APOB: variants seen among roughly 807,000 people sequenced by gnomAD.
APOB encodes apolipoprotein B-100.
A neutral mutation model predicts 314.1 loss-of-function variants in APOB; 153 were observed. That is an observed-to-expected ratio of 0.49 (90% CI 0.43 to 0.56). The LOEUF (loss-of-function observed/expected upper bound fraction) is 0.56. APOB is among the 20% of genes least tolerant of loss of function. The pLI, the probability that APOB is intolerant of heterozygous loss-of-function variation, is 0.00. For missense variants in APOB, 5,430 were observed against 5,350.7 expected (o/e 1.01, Z -0.46); for synonymous variants, 2,087 against 2,036.4 (o/e 1.02, Z -0.67).
rs375053331 is a variant in APOB at position 21,008,823 on chromosome 2, C to A, written c.8045G>T (p.Ser2682Ile). 74 of 1,613,934 alleles carry A rather than the reference C, an allele frequency of 4.6e-5. No homozygotes were observed. Among genetic ancestry groups the A allele is most frequent in the Middle Eastern group, 3.3e-4 (2 of 6,080 alleles). Reference protein sequence around the residue: ...IIRTIDQMLNSELQWPVPDIY... With the variant: ...IIRTIDQMLNIELQWPVPDIY... ...ATCTGGAACGGGCCACTGCAGCTCACTGTTCAGCATCTGGTCAATGGTTCT... is the reference window on the plus strand; with the variant it reads ...ATCTGGAACGGGCCACTGCAGCTCAATGTTCAGCATCTGGTCAATGGTTCT... The change falls in exon 26 of 29, where the codon AGT becomes ATT. Residue 2682 changes from serine (S) to isoleucine (I), a missense_variant. Transcript: ENST00000233242.
chr2:21,019,105 A>G lies in APOB; in HGVS notation c.3008T>C (p.Leu1003Pro). ...YPLTGDTRLELELRPTGEIEQ... is the reference protein window; with the variant it reads ...YPLTGDTRLEPELRPTGEIEQ... ...AATCTCTCCTGTAGGCCTCAGTTCC[A>G]GCTCTAATCTAAAGACATTACAATG... is the stretch of plus-strand genomic sequence containing the variant. Residue 1003 changes from leucine to proline, a missense_variant, in exon 20 of 29, where the codon CTG (leucine) becomes CCG (proline). Physicochemically the swap from Leu to Pro is moderately conservative, Grantham distance 98. Transcript: ENST00000233242. 1 of 1,614,100 alleles carries G rather than the reference A, an allele frequency of 6.2e-7. No homozygotes were observed. Among genetic ancestry groups the G allele is most frequent in the Non-Finnish European group, 8.5e-7 (1 of 1,180,014 alleles).
In APOB at chr2:21,005,389, G is replaced by A. The variant is rs1381019491; in HGVS notation, c.11479C>T (p.Leu3827Phe). ...ATGCCATCTGAAACACTTTTTGGAA[G>A]CGTGAACTGGGACACAGTTAACTGA... The part of the protein sequence containing the change: ...ESQLTVSQFT[L>F]PKSVSDGIAA... Residue 3827 changes from leucine (L) to phenylalanine (F), a missense_variant, in exon 26 of 29, where the codon CTT (leucine) becomes TTT (phenylalanine). Leu to Phe is a conservative substitution (Grantham distance 22, BLOSUM62 0). Coordinates refer to ENST00000233242, the MANE Select transcript of APOB (RefSeq NM_000384.3). 1.2e-6 allele frequency: 2 copies of A among 1,614,070 alleles called. No individual in the cohort carries two copies. Among genetic ancestry groups the A allele is most frequent in the Non-Finnish European group, 1.7e-6 (2 of 1,179,960 alleles).
Position 21,009,074 on chromosome 2 carries a change from A to G in APOB, c.7794T>C (p.Pro2598=). Residue 2598 remains proline (P), a synonymous_variant, in exon 26 of 29, where the codon CCT becomes CCC. Coordinates refer to ENST00000233242, the MANE Select transcript of APOB (RefSeq NM_000384.3). ...GAGCCTGAAGACTGACTTCAAAGGCAGGCATGGTCCCAAGGATGGTCTTGA... is the reference window on the plus strand; with the variant it reads ...GAGCCTGAAGACTGACTTCAAAGGCGGGCATGGTCCCAAGGATGGTCTTGA... ...PEIKTILGTM[P]AFEVSLQALQ... The G allele has an allele frequency of 6.2e-7, 1 of 1,614,130 alleles. No individual in the cohort carries two copies. The highest frequency in any genetic ancestry group is 8.5e-7 in the Non-Finnish European group (1 of 1,179,960).
In APOB at chr2:21,005,872, C is replaced by T. The variant is rs1194941592; in HGVS notation, c.10996G>A (p.Glu3666Lys). The change falls in exon 26 of 29, where the codon GAA (glutamate) becomes AAA (lysine). Residue 3666 changes from glutamate to lysine, a missense_variant. Physicochemically the swap from Glu to Lys is moderately conservative, Grantham distance 56. This residue lies in a region of APOB where 3,281 missense variants were observed against 3,171.0 expected (regional missense o/e 1.03). Transcript: ENST00000233242. The stretch of plus-strand genomic sequence containing the variant: ...TTTTTGAGGAACCTTAGGTGTCCTT[C>T]TAAGGATCCTGCAATGTCAAGGTGT... ...KAHLDIAGSL[E>K]GHLRFLKNII... 1 of 1,613,952 alleles carries T rather than the reference C, an allele frequency of 6.2e-7. No individual in the cohort carries two copies. Among genetic ancestry groups the T allele is most frequent in the South Asian group, 1.1e-5 (1 of 91,076 alleles).
At chr2:21,029,813 C>T (rs1663831349) in intron 11 of APOB, 28 bp from the exon 12 acceptor site, 1 of 1,613,648 alleles carries the variant, frequency 6.2e-7, no homozygotes, top group Non-Finnish European at 8.5e-7. Context: ...AACAAGAACC[C>T]ATCAGGGTGC....
At chr2:21,029,610 A>G (rs930948471) in intron 12 of APOB, 29 bp downstream of exon 12, 1 of 1,613,438 alleles carries the variant, frequency 6.2e-7, no homozygotes. Flanking sequence ...ATAAACTTTC[A>G]CTTTCAGACC....
chr2:21,033,135 G>A (rs571865054), intron 9 of APOB, among the ~76,000 whole-genome samples, 164 bp downstream of exon 9: 4 of 152,296 alleles, frequency 2.6e-5, no homozygotes, highest in Admixed American at 1.3e-4. Context: ...GGAACTCAGC[G>A]CAGCAGCTGA....
intron 9 of APOB, 57 bp from the exon 10 acceptor site, chr2:21,032,638 T>C (rs1663909526): frequency 1.5e-6 from 2 of 1,355,654 alleles, no homozygotes; most frequent in African/African-American, 2.9e-5. Flanking sequence ...ACATAAAATA[T>C]TGCTCATGGT....
rs751167466 is a variant in APOB at position 21,010,072 on chromosome 2, G to T, written c.6796C>A (p.Leu2266Met). 6.2e-7 allele frequency: 1 copy of T among 1,613,352 alleles called. No individual in the cohort carries two copies. The highest frequency in any genetic ancestry group is 8.5e-7 in the Non-Finnish European group (1 of 1,179,872). The change falls in exon 26 of 29, where the codon CTG becomes ATG. Residue 2266 changes from leucine (L) to methionine (M), a missense_variant. Leu to Met is a conservative substitution (Grantham distance 15, BLOSUM62 2). Coordinates refer to ENST00000233242, the MANE Select transcript of APOB (RefSeq NM_000384.3). ...TGTATGTGTCTCTTAAGCTGCTGCA[G>T]TTTTTCTTGTATCTGGATTCTGATT... ...YQIRIQIQEK[L>M]QQLKRHIQNI...
chr2:21,021,575 C>A (rs1455494695), intron 18 of APOB, among the ~76,000 whole-genome samples: 2 of 152,218 alleles, frequency 1.3e-5, no homozygotes. Context: ...TCTCCCCTGC[C>A]TACCTCTCCC....
chr2:21,017,605 C>T (rs1177210928), intron 20 of APOB, among the ~76,000 whole-genome samples: 1 of 152,058 alleles, frequency 6.6e-6, no homozygotes, highest in Non-Finnish European at 1.5e-5. Flanking sequence ...AGCAAAGGCT[C>T]GCAGCCCTTC....
Position 21,017,763 on chromosome 2 carries a change from T to C in APOB, c.3122-1114A>G, listed in dbSNP as rs1229966273. Among the ~76,000 whole-genome samples, 4 of 152,182 alleles carry C rather than the reference T, an allele frequency of 2.6e-5. No individual in the cohort carries two copies. In the East Asian group the frequency reaches 7.7e-4, roughly 29 times the overall value. On this transcript the variant is annotated intron_variant, in intron 20 of 28. Coordinates refer to ENST00000233242, the MANE Select transcript of APOB (RefSeq NM_000384.3). ...GGGCGTCCTTCAATCCATAGGCTGGTCCATTTTATATCCTTCGTAAAACAA... is the reference window on the plus strand; with the variant it reads ...GGGCGTCCTTCAATCCATAGGCTGGCCCATTTTATATCCTTCGTAAAACAA...
chr2:21,036,778 C>T (rs6413457), intron 6 of APOB, among the ~76,000 whole-genome samples: 5 of 152,220 alleles, frequency 3.3e-5, no homozygotes, highest in Non-Finnish European at 2.9e-5. Context: ...CATCCATCCC[C>T]GGAACCTTCT....
chr2:21,033,913 G>C (rs1342094348), intron 8 of APOB, among the ~76,000 whole-genome samples: 1 of 152,232 alleles, frequency 6.6e-6, no homozygotes, highest in Non-Finnish European at 1.5e-5. Flanking sequence ...CAGGGTCTAA[G>C]AGGTAGAGCT....
chr2:21,019,659 C>T, intron 19 of APOB, 64 bp downstream of exon 19: 1 of 1,521,182 alleles, frequency 6.6e-7, no homozygotes, highest in Admixed American at 1.7e-5. Flanking sequence ...TTTCCTGTGC[C>T]ATGCTAGGTG....
chr2:21,019,182 A>G, intron 19 of APOB, 69 bp from the exon 20 acceptor site: 2 of 1,598,152 alleles, frequency 1.3e-6, no homozygotes, highest in South Asian at 2.2e-5. Context: ...TGTTCCCAAA[A>G]CAATTCAGCC....
At chr2:21,019,149 A>C (rs372650935) in intron 19 of APOB, 36 bp from the exon 20 acceptor site, 3 of 1,613,474 alleles carry the variant, frequency 1.9e-6, no homozygotes, top group Non-Finnish European at 2.5e-6. Context: ...GCATAATGTT[A>C]GAGCTTTCAA....
chr2:21,009,845 G>A lies in APOB; in HGVS notation c.7023C>T (p.Val2341=), dbSNP rs1179686781. Residue 2341 remains valine, a synonymous_variant, in exon 26 of 29, where the codon GTC becomes GTT. Transcript: ENST00000233242. ...AEKINAFRAK[V]HELIERYEVD... ...CTTCATACCTCTCGATTAACTCATG[G>A]ACTTTGGCTCTGAAGGCATTGATTT... 1.2e-6 allele frequency: 2 copies of A among 1,613,870 alleles called. No individual in the cohort carries two copies. The highest frequency in any genetic ancestry group is 1.7e-6 in the Non-Finnish European group (2 of 1,179,966).
Position 21,010,321 on chromosome 2 carries a change from G to T in APOB, c.6547C>A (p.Gln2183Lys). Reference protein sequence around the residue: ...QLQTYMIQFDQYIKDSYDLHD... With the variant: ...QLQTYMIQFDKYIKDSYDLHD... ...AAATCATAACTATCTTTAATATACT[G>T]ATCAAATTGTATCATATATGTCTGC... Residue 2183 changes from glutamine (Q) to lysine (K), a missense_variant, in exon 26 of 29, where the codon CAG becomes AAG. By Grantham distance (53) the Gln-to-Lys change is moderately conservative (BLOSUM62 1). This residue lies in a region of APOB where 3,281 missense variants were observed against 3,171.0 expected (regional missense o/e 1.03). Transcript: ENST00000233242. The T allele has an allele frequency of 6.4e-7, 1 of 1,553,892 alleles. No homozygotes were observed. The highest frequency in any genetic ancestry group is 1.2e-5 in the South Asian group (1 of 80,288).
Sources: gnomAD v4.1 joint callset for allele counts (sites outside exome capture counted in the v4.1 genomes callset) on GRCh38, gnomAD v4.1.1 for gene constraint, gnomAD v4.1.1 regional missense constraint, MANE v1.5 for transcripts, NCBI Gene and HGNC (gene_info 2026-07-23, HGNC 2026-07-21) for gene names.